The following SLCO1B3 variants were observed in gnomAD, a reference collection of about 807,000 sequenced individuals.
The protein encoded by SLCO1B3 is liver-specific organic anion transporter 2.
A neutral mutation model predicts 71.8 loss-of-function variants in SLCO1B3; 72 were observed. That is an observed-to-expected ratio of 1.00 (90% CI 0.83 to 1.22). The LOEUF (loss-of-function observed/expected upper bound fraction) is 1.22. Among genes scored for constraint, SLCO1B3 ranks in the 50% most tolerant of loss-of-function variants. The pLI is 0.00. For synonymous variants in SLCO1B3, 298 were observed against 278.4 expected (o/e 1.07, Z -0.70); for missense variants, 911 against 819.7 (o/e 1.11, Z -1.36).
chr12:20,896,863 G>A (rs1866018050), intron 13 of SLCO1B3, among the ~76,000 whole-genome samples: 1 of 152,144 alleles, frequency 6.6e-6, no homozygotes, highest in African/African-American at 2.4e-5. Flanking sequence ...CCATGTGGCT[G>A]GGGAAACCTC....
intron 6 of SLCO1B3, among the ~76,000 whole-genome samples, chr12:20,862,204 C>T (rs1314857426): frequency 1.3e-5 from 2 of 152,052 alleles, no homozygotes; most frequent in Non-Finnish European, 2.9e-5. Context: ...TTGCAATGAT[C>T]GTCTGTGTGT....
Position 20,909,612 on chromosome 12 carries a change from T to C in SLCO1B3, c.1866-6392T>C, listed in dbSNP as rs943716409. ...TTCCTAATATTTTTGAAAACAGTTA[T>C]TGAATATGCCTTTTGAAAATATTTT... On this transcript the variant is annotated intron_variant, in intron 15 of 15. Coordinates refer to ENST00000381545, the MANE Select transcript of SLCO1B3 (RefSeq NM_019844.4). Among the ~76,000 whole-genome samples the C allele has an allele frequency of 3.3e-5, 5 of 152,302 alleles. No individual in the cohort carries two copies. In the East Asian group the frequency reaches 7.7e-4, roughly 23 times the overall value.
intron 3 of SLCO1B3, among the ~76,000 whole-genome samples, chr12:20,850,749 C>G (rs184056208): frequency 2.4e-4 from 37 of 152,218 alleles, no homozygotes; most frequent in African/African-American, 8.4e-4. Flanking sequence ...TAAGTGAGAA[C>G]GTGCAATATT....
chr12:20,877,873 T>C lies in SLCO1B3; in HGVS notation c.1072T>C (p.Tyr358His). ...QVSSFIGSFT[Y>H]VFKYMEQQYG... Reference sequence around the variant, plus strand: ...AAGCAGCTTTATTGGTTCTTTTACTTACGTCTTTAAATATATGGAGCAACA... The same window carrying C: ...AAGCAGCTTTATTGGTTCTTTTACTCACGTCTTTAAATATATGGAGCAACA... The change falls in exon 10 of 16, where the codon TAC becomes CAC. Residue 358 changes from tyrosine to histidine, a missense_variant. Transcript: ENST00000381545. 6.3e-7 allele frequency: 1 copy of C among 1,592,692 alleles called. No individual in the cohort carries two copies. Among genetic ancestry groups the C allele is most frequent in the Non-Finnish European group, 8.5e-7 (1 of 1,171,132 alleles).
intron 3 of SLCO1B3, among the ~76,000 whole-genome samples, chr12:20,843,795 G>C: frequency 6.8e-6 from 1 of 147,190 alleles, no homozygotes; most frequent in East Asian, 1.9e-4. Flanking sequence ...AAAAAAAAAA[G>C]TACTATTAAT....
intron 13 of SLCO1B3, among the ~76,000 whole-genome samples, chr12:20,894,031 T>C (rs1175776818): frequency 6.6e-6 from 1 of 152,208 alleles, no homozygotes; most frequent in Non-Finnish European, 1.5e-5. Context: ...TCCCTACCTG[T>C]GCTATCTATT....
At chr12:20,853,642 C>T (rs1243151457) in intron 3 of SLCO1B3, among the ~76,000 whole-genome samples, 1 of 151,808 alleles carries the variant, frequency 6.6e-6, no homozygotes, top group African/African-American at 2.4e-5. Flanking sequence ...AGCTAAAGGT[C>T]TCTCAGTTTT....
chr12:20,828,646 T>TACACACACACACACAC (rs142800781), intron 3 of SLCO1B3, among the ~76,000 whole-genome samples: 9 of 149,682 alleles, frequency 6.0e-5, no homozygotes, highest in African/African-American at 2.2e-4. Context: ...CACACACACA[T>TACACACACACACACAC]ACACACACAC....
chr12:20,839,538 A>T (rs752070344), intron 3 of SLCO1B3, among the ~76,000 whole-genome samples: 10 of 152,090 alleles, frequency 6.6e-5, no homozygotes, highest in African/African-American at 2.4e-4. Flanking sequence ...TTGTTCCTAT[A>T]TAGGTAAGGA....
At chr12:20,878,681 A>C (rs954237262) in intron 10 of SLCO1B3, among the ~76,000 whole-genome samples, 1 of 152,152 alleles carries the variant, frequency 6.6e-6, no homozygotes, top group Non-Finnish European at 1.5e-5. Context: ...TGTTGAACTG[A>C]CAGATTTAAA....
chr12:20,908,614 G>T (rs1293034505), intron 15 of SLCO1B3, among the ~76,000 whole-genome samples: 1 of 152,158 alleles, frequency 6.6e-6, no homozygotes, highest in African/African-American at 2.4e-5. Flanking sequence ...GTCTGCTTCA[G>T]ATCATATAGT....
At chr12:20,880,470 T>C (rs1865666839) in intron 11 of SLCO1B3, among the ~76,000 whole-genome samples, 1 of 152,036 alleles carries the variant, frequency 6.6e-6, no homozygotes, top group Admixed American at 6.5e-5. Context: ...ATTACCTCCC[T>C]GAAGAGAAAC....
chr12:20,877,701 CTT>C (rs1400740171), intron 9 of SLCO1B3, 69 bp from the exon 10 acceptor site: 5 of 659,268 alleles, frequency 7.6e-6, no homozygotes, highest in African/African-American at 1.9e-5. Flanking sequence ...TCTTATATAA[CTT>C]ATATTTACAA....
At chr12:20,851,088 G>T (rs1457737038) in intron 3 of SLCO1B3, among the ~76,000 whole-genome samples, 1 of 152,058 alleles carries the variant, frequency 6.6e-6, no homozygotes, top group African/African-American at 2.4e-5. Context: ...CATTTTAGTT[G>T]CTTCTACCTC....
intron 12 of SLCO1B3, among the ~76,000 whole-genome samples, chr12:20,882,285 A>G (rs1454049903): frequency 6.6e-6 from 1 of 152,220 alleles, no homozygotes; most frequent in Non-Finnish European, 1.5e-5. Context: ...TCTCTGTATC[A>G]AAGTTGGGTT....
intron 3 of SLCO1B3, among the ~76,000 whole-genome samples, chr12:20,824,103 A>G (rs976673632): frequency 3.3e-5 from 5 of 152,220 alleles, no homozygotes; most frequent in African/African-American, 1.2e-4. Flanking sequence ...AGAGAAAGGA[A>G]TTATATTTTT....
intron 8 of SLCO1B3, among the ~76,000 whole-genome samples, chr12:20,863,319 G>A (rs1865308470): frequency 6.6e-6 from 1 of 152,142 alleles, no homozygotes; most frequent in African/African-American, 2.4e-5. Context: ...GGTTCTCACT[G>A]AGGGCTTGGC....
intron 13 of SLCO1B3, among the ~76,000 whole-genome samples, chr12:20,886,602 G>A (rs1865797203): frequency 6.6e-6 from 1 of 151,980 alleles, no homozygotes; most frequent in Non-Finnish European, 1.5e-5. Context: ...GAGTTCATAG[G>A]AGTTATGGAC....
intron 11 of SLCO1B3, among the ~76,000 whole-genome samples, 174 bp downstream of exon 11, chr12:20,879,805 T>C (rs144595834): frequency 1.7e-3 from 263 of 152,286 alleles, no homozygotes; most frequent in Non-Finnish European, 3.1e-3. Context: ...AAATTTGTTT[T>C]ATTCCTTCCT....
Sources: allele counts gnomAD v4.1 joint callset (sites outside exome capture counted in the v4.1 genomes callset), GRCh38; gene constraint gnomAD v4.1.1; transcripts MANE v1.5; gene names NCBI Gene and HGNC (gene_info 2026-07-23, HGNC 2026-07-21).